The following LRRC9 variants were observed in gnomAD, a reference collection of about 807,000 sequenced individuals.
LRRC9 encodes the protein leucine rich repeat containing 9, also known as leucine-rich repeat-containing protein 9.
A neutral mutation model predicts 63.2 loss-of-function variants in LRRC9; 122 were observed. The ratio of observed to expected loss-of-function variants is 1.93; its 90% confidence interval spans 1.67 to 2.24. LRRC9 has a LOEUF of 2.24. Among genes scored for constraint, LRRC9 ranks in the 30% most tolerant of loss-of-function variants. The probability of loss-of-function intolerance (pLI) is 0.00; values close to 1 mark genes in which losing one functional copy is unlikely to be tolerated. For synonymous variants in LRRC9, 366 were observed against 213.1 expected (o/e 1.72, Z -6.25); for missense variants, 1,071 against 627.7 (o/e 1.71, Z -7.55).
chr14:59,971,313 A>C (rs953344116), intron 12 of LRRC9, among the ~76,000 whole-genome samples: 1 of 152,048 alleles, frequency 6.6e-6, no homozygotes, highest in Non-Finnish European at 1.5e-5. Context: ...TGCCAGTACC[A>C]TGCCGTTTTC....
chr14:59,928,621 T>C (rs1044967111), intron 3 of LRRC9, 135 bp downstream of exon 3: 16 of 418,028 alleles, frequency 3.8e-5, no homozygotes, highest in Middle Eastern at 5.9e-4. Flanking sequence ...AATTGATTTG[T>C]ACAAAGGAAA....
At chr14:60,010,644 G>T (rs1459106833) in intron 23 of LRRC9, among the ~76,000 whole-genome samples, 1 of 152,120 alleles carries the variant, frequency 6.6e-6, no homozygotes, top group Non-Finnish European at 1.5e-5. Context: ...CTTTTCTACT[G>T]CATCATCAGG....
At chr14:59,937,939 G>A (rs1318789289) in intron 6 of LRRC9, among the ~76,000 whole-genome samples, 1 of 152,094 alleles carries the variant, frequency 6.6e-6, no homozygotes, top group African/African-American at 2.4e-5. Context: ...ATGAACAGGG[G>A]ATCCCATAGC....
intron 13 of LRRC9, among the ~76,000 whole-genome samples, chr14:59,975,064 CTA>C (rs1368993679): frequency 1.3e-3 from 15 of 11,432 alleles, no homozygotes; most frequent in East Asian, 5.9e-3. Flanking sequence ...CTGAACTAAA[CTA>C]TGTGTGTGTG....
At chr14:59,977,194 T>A (rs1287238514) in intron 13 of LRRC9, 31 bp from the exon 14 acceptor site, 1 of 656,856 alleles carries the variant, frequency 1.5e-6, no homozygotes, top group Non-Finnish European at 2.7e-6. Flanking sequence ...TTAATTATTC[T>A]TAAGAATTAC....
chr14:59,980,860 T>C (rs1360470224), intron 15 of LRRC9, among the ~76,000 whole-genome samples: 1 of 152,220 alleles, frequency 6.6e-6, no homozygotes, highest in East Asian at 1.9e-4. Context: ...ACCTGGCAGT[T>C]GTGACCATTC....
intron 12 of LRRC9, chr14:59,973,595 T>G (rs1885775851): frequency 6.6e-6 from 1 of 152,130 alleles, no homozygotes; most frequent in African/African-American, 2.4e-5. Flanking sequence ...ACTCTAAAAC[T>G]CCTCTAGACT....
chr14:60,042,405 G>A lies in LRRC9; in HGVS notation c.3990+10342G>A, dbSNP rs1449295166. 2.0e-5 allele frequency among the ~76,000 whole-genome samples: 3 copies of A among 152,168 alleles called. No individual in the cohort carries two copies. The highest frequency in any genetic ancestry group is 4.8e-5 in the African/African-American group (2 of 41,448). ...AGCTGTGGTGGGCTCCACTGAGTTC[G>A]AGCTTCCCAGCTTCTTTGTTTACCT... On this transcript the variant is annotated intron_variant, in intron 29 of 31. Transcript: ENST00000445360. The surrounding 1 kb of genome is among the most constrained non-coding windows in gnomAD (Gnocchi z 4.2).
chr14:59,937,498 T>G (rs1327177962), intron 6 of LRRC9, among the ~76,000 whole-genome samples: 1 of 151,984 alleles, frequency 6.6e-6, no homozygotes, highest in Non-Finnish European at 1.5e-5. Context: ...AATATGACAC[T>G]GGGTTGGGCT....
rs141710752 is a variant in LRRC9, at chr14:59,964,168, T to C, written c.1212-2421T>C. Among the ~76,000 whole-genome samples the C allele has an allele frequency of 2.0e-3, 308 of 152,172 alleles. 1 individual carries two copies. The highest frequency in any genetic ancestry group is 6.9e-3 in the African/African-American group (286 of 41,526). ...TGAATCCTCTACTGTAGGTGAAGAG[T>C]CTGAATGTAATTTGGAAGGTAACAA... On this transcript the variant is annotated intron_variant, in intron 10 of 31. Transcript: ENST00000445360. The surrounding 1 kb of genome is among the most constrained non-coding windows in gnomAD (Gnocchi z 4.4).
At chr14:60,002,045 C>T (rs115819353) in exon 20 of LRRC9, 30 of 702,208 alleles carry the variant, frequency 4.3e-5, no homozygotes, top group South Asian at 1.0e-4. Context: ...AAAATTCTGA[C>T]GCAGGTTTCA....
chr14:60,003,734 T>A lies in LRRC9; in HGVS notation c.2778T>A (p.Gly926=). 2 of 692,190 alleles carry A rather than the reference T, an allele frequency of 2.9e-6. No homozygotes were observed. The highest frequency in any genetic ancestry group is 5.2e-6 in the Non-Finnish European group (2 of 381,500). 42.9% of individuals were successfully genotyped at this position (692,190 alleles called of 1,614,324 possible). A position where few individuals can be genotyped will look rare whatever the true frequency, so the allele number is the denominator to read the frequency against. The change falls in exon 21 of 32, where the codon GGT becomes GGA. Residue 926 remains glycine (G), a synonymous_variant. Coordinates refer to ENST00000445360, the Ensembl canonical transcript of LRRC9. The surrounding 1 kb of genome is among the most constrained non-coding windows in gnomAD (Gnocchi z 4.2). ...ATAATAATCTCACTAAAATGGAGGG[T>A]CTGGAATCCTGTATTAACTTGGAAG...
Position 59,962,279 on chromosome 14 carries a change from A to G in LRRC9, c.1211+1234A>G, listed in dbSNP as rs1270575148. Among the ~76,000 whole-genome samples the G allele has an allele frequency of 2.0e-5, 3 of 152,156 alleles. No homozygotes were observed. Among genetic ancestry groups the G allele is most frequent in the Admixed American group, 6.5e-5 (1 of 15,278 alleles). On this transcript the variant is annotated intron_variant, in intron 10 of 31. Coordinates refer to ENST00000445360, the Ensembl canonical transcript of LRRC9. The surrounding 1 kb of genome is among the most constrained non-coding windows in gnomAD (Gnocchi z 5.1). ...TGCTTAACCACATTTTTTGATTTTT[A>G]TATACAAAGATATAAAAGGTGTTCA... is the stretch of plus-strand genomic sequence containing the variant.
chr14:59,957,540 C>G (rs1370463072), intron 8 of LRRC9, among the ~76,000 whole-genome samples: 1 of 152,082 alleles, frequency 6.6e-6, no homozygotes, highest in African/African-American at 2.4e-5. Flanking sequence ...AACCTTTTAT[C>G]AATGTTCTTA....
At chr14:59,974,611 C>G in exon 13 of LRRC9, 1 of 668,170 alleles carries the variant, frequency 1.5e-6, no homozygotes, top group Non-Finnish European at 2.7e-6. Context: ...TTGTTTCTAA[C>G]AGTCTAAGTA....
chr14:60,014,922 C>T (rs1347051438), intron 23 of LRRC9, among the ~76,000 whole-genome samples: 1 of 151,972 alleles, frequency 6.6e-6, no homozygotes, highest in Non-Finnish European at 1.5e-5. Flanking sequence ...TTTATGGTTC[C>T]ACAAATACAG....
intron 19 of LRRC9, 88 bp from the exon 20 acceptor site, chr14:60,001,878 C>T: frequency 2.3e-6 from 1 of 428,800 alleles, no homozygotes; most frequent in Non-Finnish European, 4.1e-6. Flanking sequence ...GGCCACTCAT[C>T]TTCCCTGGAA....
chr14:59,945,353 G>A (rs537246267), intron 8 of LRRC9, among the ~76,000 whole-genome samples: 12 of 151,832 alleles, frequency 7.9e-5, no homozygotes, highest in Non-Finnish European at 1.5e-4. Flanking sequence ...TTTTCAGTAT[G>A]AGGAAATAAT....
intron 27 of LRRC9, among the ~76,000 whole-genome samples, chr14:60,025,079 T>A (rs947176185): frequency 4.6e-5 from 7 of 151,376 alleles, no homozygotes; most frequent in Admixed American, 6.6e-5. Flanking sequence ...GTTTTTTTTT[T>A]ATTTTTTATT....
Sources: allele counts gnomAD v4.1 joint callset (sites outside exome capture counted in the v4.1 genomes callset), GRCh38; gene constraint gnomAD v4.1.1; non-coding constraint Gnocchi (gnomAD v3.1); transcripts MANE v1.5; gene names NCBI Gene and HGNC (gene_info 2026-07-23, HGNC 2026-07-21).